The following ADGRL2 variants were observed in gnomAD, a reference collection of about 807,000 sequenced individuals.
ADGRL2 encodes adhesion G protein-coupled receptor L2.
Under a neutral mutation model 157.4 loss-of-function variants are expected in ADGRL2, and 44 were observed. The ratio of observed to expected loss-of-function variants is 0.28; its 90% confidence interval spans 0.22 to 0.36. The LOEUF is 0.36. ADGRL2 is among the 10% of genes least tolerant of loss of function. The probability of loss-of-function intolerance (pLI) is 1.00; values close to 1 mark genes in which losing one functional copy is unlikely to be tolerated. For synonymous variants in ADGRL2, 585 were observed against 624.7 expected, an observed-to-expected ratio of 0.94 and a Z score of 0.95; for missense variants, 1,510 against 1,768.9, an observed-to-expected ratio of 0.85 and a Z score of 2.63.
At chr1:81,497,083 G>A (rs1287919148) in intron 2 of ADGRL2, among the ~76,000 whole-genome samples, 1 of 151,952 alleles carries the variant, frequency 6.6e-6, no homozygotes, top group Non-Finnish European at 1.5e-5. Context: ...AGAACAAAAG[G>A]GCCAGGAATG....
chr1:81,786,300 AG>A (rs1406163230), intron 2 of ADGRL2, among the ~76,000 whole-genome samples: 2 of 152,204 alleles, frequency 1.3e-5, no homozygotes, highest in African/African-American at 4.8e-5. Flanking sequence ...TAATTTAGCC[AG>A]GTACAATGGC....
rs909810306 is a variant in ADGRL2 at position 81,491,806 on chromosome 1, C to G, written c.-248+46717C>G. ...TCATTCTTTCTCAATCAAGAGAACC[C>G]CAGATTTATTCTATGCAATACTGTG... On this transcript the variant is annotated intron_variant, in intron 2 of 24. Transcript: ENST00000370721. 6.6e-5 allele frequency among the ~76,000 whole-genome samples: 10 copies of G among 152,064 alleles called. No individual in the cohort carries two copies. In the East Asian group the frequency reaches 1.7e-3, roughly 26 times the overall value.
In ADGRL2 at chr1:81,992,032, G is replaced by A. The variant is rs939973781; in HGVS notation, c.*887G>A. 1 of 152,342 alleles carries A rather than the reference G, an allele frequency of 6.6e-6. No individual in the cohort carries two copies. Among genetic ancestry groups the A allele is most frequent in the Non-Finnish European group, 1.5e-5 (1 of 67,988 alleles). 9.4% of individuals were successfully genotyped at this position (152,342 alleles called of 1,614,324 possible). On this transcript the variant is annotated 3_prime_UTR_variant, in exon 24 of 24. Transcript: ENST00000686636. ...ATTGCCAAAAGAACGTGTTTTATGGGGAGAAACAAACTCTTTGAAGCCAGT... is the reference window on the plus strand; with the variant it reads ...ATTGCCAAAAGAACGTGTTTTATGGAGAGAAACAAACTCTTTGAAGCCAGT...
intron 1 of ADGRL2, among the ~76,000 whole-genome samples, chr1:81,362,738 T>C (rs558226298): frequency 2.0e-5 from 3 of 152,114 alleles, no homozygotes; most frequent in East Asian, 3.9e-4. Flanking sequence ...ATATAGCTAA[T>C]GTTTTGTGTC....
At chr1:81,576,837 A>T (rs2080807387) in intron 2 of ADGRL2, among the ~76,000 whole-genome samples, 1 of 152,188 alleles carries the variant, frequency 6.6e-6, no homozygotes, top group South Asian at 2.1e-4. Flanking sequence ...TGAGTTTTTT[A>T]TAAAGTTTAT....
At chr1:81,331,184 A>G (rs1259961681) in intron 1 of ADGRL2, among the ~76,000 whole-genome samples, 1 of 152,172 alleles carries the variant, frequency 6.6e-6, no homozygotes, top group African/African-American at 2.4e-5. Flanking sequence ...TTATACTCAT[A>G]CCGTGTGTAA....
At chr1:81,926,363 G>C (rs1442777620) in intron 3 of ADGRL2, among the ~76,000 whole-genome samples, 28 of 151,968 alleles carry the variant, frequency 1.8e-4, no homozygotes, top group Admixed American at 1.8e-3. Context: ...ATTGGCAAGG[G>C]TTATAGGAAG....
At chr1:81,876,679 C>T (rs866024850) in intron 2 of ADGRL2, among the ~76,000 whole-genome samples, 2 of 152,026 alleles carry the variant, frequency 1.3e-5, no homozygotes, top group Non-Finnish European at 2.9e-5. Flanking sequence ...ATTTGTGACT[C>T]GAGGGATCAG....
At chr1:81,381,348 A>G (rs968027458) in intron 1 of ADGRL2, among the ~76,000 whole-genome samples, 1 of 152,094 alleles carries the variant, frequency 6.6e-6, no homozygotes, top group Non-Finnish European at 1.5e-5. Context: ...TCTTAATCTT[A>G]TTCCTCATTT....
chr1:81,950,557 A>C, intron 7 of ADGRL2, 75 bp downstream of exon 7: 1 of 1,350,254 alleles, frequency 7.4e-7, no homozygotes, highest in Non-Finnish European at 1.0e-6. Context: ...AAGTGATTTT[A>C]TTCAAAGAAA....
At chr1:81,710,615 GCT>G (rs1425906073) in intron 1 of ADGRL2, among the ~76,000 whole-genome samples, 1 of 120,686 alleles carries the variant, frequency 8.3e-6, no homozygotes, top group African/African-American at 3.2e-5. Context: ...GAGAGACTCT[GCT>G]CAAAAAATTA....
At chr1:81,545,424 G>A (rs1037303832) in intron 2 of ADGRL2, among the ~76,000 whole-genome samples, 7 of 151,990 alleles carry the variant, frequency 4.6e-5, no homozygotes, top group East Asian at 2.0e-4. Flanking sequence ...GAGATTACAG[G>A]CATGCACCAC....
intron 2 of ADGRL2, among the ~76,000 whole-genome samples, chr1:81,904,056 A>G (rs1186931060): frequency 5.9e-5 from 9 of 152,066 alleles, no homozygotes; most frequent in Admixed American, 5.9e-4. Context: ...AAGGAAATAG[A>G]CATTACAAAG....
At chr1:81,470,570 A>G (rs1254591491) in intron 2 of ADGRL2, among the ~76,000 whole-genome samples, 1 of 152,190 alleles carries the variant, frequency 6.6e-6, no homozygotes, top group African/African-American at 2.4e-5. Context: ...AGCTTTTCAA[A>G]TAAATCTTCT....
chr1:81,836,988 G>A lies in ADGRL2; in HGVS notation c.4G>A (p.Val2Met). The change falls in exon 2 of 24, where the codon GTG becomes ATG. Residue 2 changes from valine (V) to methionine (M), a missense_variant. Physicochemically the swap from Val to Met is conservative, Grantham distance 21. This residue lies in a region of ADGRL2 where 361 missense variants were observed against 498.4 expected (regional missense o/e 0.72). Transcript: ENST00000686636. M[V>M]SSGCRMRSLW... Reference sequence around the variant, plus strand: ...AAAATACTTAAAGGGATCAATAATGGTGTCTTCTGGTTGCAGAATGCGAAG... The same window carrying A: ...AAAATACTTAAAGGGATCAATAATGATGTCTTCTGGTTGCAGAATGCGAAG... 1 of 1,580,654 alleles carries A rather than the reference G, an allele frequency of 6.3e-7. No homozygotes were observed. Among genetic ancestry groups the A allele is most frequent in the Non-Finnish European group, 8.6e-7 (1 of 1,162,608 alleles).
rs188342987 is a variant in ADGRL2, at chr1:81,502,563, G to A, written c.-248+57474G>A. The A allele has an allele frequency of 2.5e-6, 4 of 1,613,960 alleles. No individual in the cohort carries two copies. In the Admixed American group the frequency reaches 6.7e-5, roughly 27 times the overall value. ...TATAAGCTGGTGACCGAGAAGGGGG[G>A]CCTGGTGGAGATCATCAACAAGAAG... On this transcript the variant is annotated intron_variant, in intron 2 of 24. Coordinates refer to the ADGRL2 transcript ENST00000370721.
intron 2 of ADGRL2, among the ~76,000 whole-genome samples, chr1:81,903,982 A>T (rs2094540251): frequency 6.6e-6 from 1 of 151,852 alleles, no homozygotes; most frequent in Non-Finnish European, 1.5e-5. Context: ...GGGAGATGGC[A>T]TATAATTTTC....
intron 2 of ADGRL2, among the ~76,000 whole-genome samples, chr1:81,563,820 G>A (rs7532624): frequency 0.26 from 39,848 of 152,022 alleles, 8,179 homozygotes; most frequent in African/African-American, 0.56. Flanking sequence ...GTATGTGCAT[G>A]AGCAAAAATT....
chr1:81,670,715 C>T (rs775655219), intron 3 of ADGRL2, among the ~76,000 whole-genome samples: 21 of 152,156 alleles, frequency 1.4e-4, no homozygotes, highest in Non-Finnish European at 2.8e-4. Context: ...ATCAGTGTAG[C>T]CACATATTTC....
Sources: allele counts gnomAD v4.1 joint callset (sites outside exome capture counted in the v4.1 genomes callset), GRCh38; gene constraint gnomAD v4.1.1; regional missense constraint gnomAD v4.1.1; transcripts MANE v1.5; gene names NCBI Gene and HGNC (gene_info 2026-07-23, HGNC 2026-07-21).